Variants in SAMD8 observed in about 807,000 individuals in gnomAD.
SAMD8 encodes sphingomyelin synthase-related protein 1.
In SAMD8, 20 loss-of-function variants were observed where a neutral mutation model predicts 42.0. The ratio of observed to expected loss-of-function variants is 0.48; its 90% confidence interval spans 0.34 to 0.69. The LOEUF (loss-of-function observed/expected upper bound fraction) is 0.69, where lower values mean the gene tolerates loss of function less well. SAMD8 is among the 30% of genes least tolerant of loss of function. SAMD8 has a pLI of 0.01. For synonymous variants in SAMD8, 162 were observed against 173.0 expected, an observed-to-expected ratio of 0.94 and a Z score of 0.50; for missense variants, 328 against 511.6, an observed-to-expected ratio of 0.64 and a Z score of 3.46.
chr10:75,173,567 C>A (rs1179813112), intron 4 of SAMD8, among the ~76,000 whole-genome samples: 1 of 152,168 alleles, frequency 6.6e-6, no homozygotes, highest in East Asian at 1.9e-4. Flanking sequence ...CATTTTCCTA[C>A]CAGTCTCTTC....
intron 1 of SAMD8, among the ~76,000 whole-genome samples, chr10:75,126,777 A>G (rs1045902156): frequency 5.3e-5 from 8 of 151,894 alleles, no homozygotes; most frequent in South Asian, 4.1e-4. Flanking sequence ...CTGAGATTAC[A>G]GGCCTGAGCC....
At chr10:75,137,013 A>G (rs1235847839) in intron 1 of SAMD8, among the ~76,000 whole-genome samples, 1 of 152,204 alleles carries the variant, frequency 6.6e-6, no homozygotes, top group African/African-American at 2.4e-5. Context: ...GTGGAAAATG[A>G]TATGGTGACT....
chr10:75,101,937 T>G, intron 1 of SAMD8: 1 of 1,367,852 alleles, frequency 7.3e-7, no homozygotes, highest in Non-Finnish European at 9.8e-7. Context: ...TTCAGCCGCC[T>G]GTCTCCGCAC....
chr10:75,150,379 C>T (rs920453745), intron 1 of SAMD8, 135 bp from the exon 2 acceptor site: 2 of 1,420,146 alleles, frequency 1.4e-6, no homozygotes. Context: ...AACTCAGCCT[C>T]CCAAAGTGCT....
chr10:75,162,606 G>A (rs974719575), intron 2 of SAMD8, among the ~76,000 whole-genome samples: 6 of 134,284 alleles, frequency 4.5e-5, no homozygotes, highest in African/African-American at 1.1e-4. Flanking sequence ...CCGAGATCGC[G>A]CCATTGCACT....
intron 4 of SAMD8, among the ~76,000 whole-genome samples, chr10:75,174,191 G>A (rs1005711583): frequency 3.9e-5 from 6 of 152,002 alleles, no homozygotes; most frequent in Non-Finnish European, 5.9e-5. Context: ...GTGCAGTGGC[G>A]CGATCTCTGT....
chr10:75,179,099 T>C lies in SAMD8; in HGVS notation c.*2407T>C, dbSNP rs143609631. 0.073 allele frequency: 11,119 copies of C among 152,070 alleles called. 519 individuals carry two copies. The highest frequency in any genetic ancestry group is 0.12 in the African/African-American group (5,110 of 41,436). The allele number at this position is 152,070 out of a possible 1,614,324, so 9.4% of individuals were successfully genotyped here. ...TCTAATGCCTGTAATCGCAGCACTT[T>C]GGGAGGCTAAGGCAGGAGGATCACT... is the stretch of plus-strand genomic sequence containing the variant. On this transcript the variant is annotated 3_prime_UTR_variant, in exon 6 of 6. Coordinates refer to ENST00000542569, the MANE Select transcript of SAMD8 (RefSeq NM_001174156.2).
chr10:75,173,643 C>T (rs1001852679), intron 4 of SAMD8, among the ~76,000 whole-genome samples: 2 of 152,124 alleles, frequency 1.3e-5, no homozygotes, highest in Non-Finnish European at 2.9e-5. Flanking sequence ...GTGTTCATAG[C>T]GATCACAGAA....
intron 1 of SAMD8, among the ~76,000 whole-genome samples, chr10:75,128,971 G>C (rs1176553934): frequency 2.0e-5 from 3 of 152,006 alleles, no homozygotes; most frequent in Non-Finnish European, 4.4e-5. Context: ...TTTAACAAAA[G>C]TTGACACTTT....
intron 4 of SAMD8, among the ~76,000 whole-genome samples, chr10:75,172,328 G>T (rs1840887108): frequency 6.6e-6 from 1 of 151,930 alleles, no homozygotes; most frequent in Non-Finnish European, 1.5e-5. Flanking sequence ...AGATTTTATT[G>T]TATTTTAGTC....
intron 1 of SAMD8, among the ~76,000 whole-genome samples, chr10:75,148,346 C>CTTTTTTTTTTTTTTTTTTTTTTTTTTTTT (rs60024591): frequency 1.2e-5 from 1 of 82,560 alleles, no homozygotes; most frequent in African/African-American, 6.5e-5. Context: ...GCAATACCAG[C>CTTTTTTTTTTTTTTTTTTTTTTTTTTTTT]TTTTTTTTTT....
chr10:75,158,938 A>G (rs996750187), intron 2 of SAMD8, among the ~76,000 whole-genome samples: 3 of 151,702 alleles, frequency 2.0e-5, no homozygotes, highest in African/African-American at 7.3e-5. Flanking sequence ...GGATGTACCA[A>G]TTTTGTTTAT....
intron 1 of SAMD8, among the ~76,000 whole-genome samples, chr10:75,135,657 C>T (rs887571480): frequency 1.3e-5 from 2 of 151,874 alleles, no homozygotes; most frequent in South Asian, 2.1e-4. Flanking sequence ...AACCCTCTCT[C>T]TACTAAAAAT....
At chr10:75,102,204 C>T (rs996015503) in intron 1 of SAMD8, among the ~76,000 whole-genome samples, 2 of 152,134 alleles carry the variant, frequency 1.3e-5, no homozygotes, top group Non-Finnish European at 2.9e-5. Flanking sequence ...GGGCCGGGCG[C>T]GGTGGCTGAA....
chr10:75,175,461 G>A (rs1840969844), intron 4 of SAMD8, among the ~76,000 whole-genome samples: 1 of 152,094 alleles, frequency 6.6e-6, no homozygotes, highest in African/African-American at 2.4e-5. Context: ...GTATTATAGA[G>A]AACTTTTTAT....
chr10:75,141,870 A>G (rs113559712), intron 1 of SAMD8, among the ~76,000 whole-genome samples: 116 of 150,544 alleles, frequency 7.7e-4, no homozygotes, highest in African/African-American at 2.1e-3. Context: ...TTATCTTATT[A>G]CACTGACCAG....
intron 3 of SAMD8, among the ~76,000 whole-genome samples, chr10:75,166,464 T>C (rs1039224815): frequency 6.6e-6 from 1 of 151,216 alleles, no homozygotes; most frequent in African/African-American, 2.4e-5. Context: ...GGAACAAGGG[T>C]AGTTGCTTGA....
At chr10:75,147,482 T>C (rs1327910509) in intron 1 of SAMD8, among the ~76,000 whole-genome samples, 1 of 152,152 alleles carries the variant, frequency 6.6e-6, no homozygotes, top group Non-Finnish European at 1.5e-5. Context: ...CCCGCCACCA[T>C]GCCTGGCTAA....
At chr10:75,141,748 A>C (rs1840021441) in intron 1 of SAMD8, among the ~76,000 whole-genome samples, 1 of 151,668 alleles carries the variant, frequency 6.6e-6, no homozygotes, top group African/African-American at 2.4e-5. Context: ...TCACCGTGTT[A>C]GCCAGGATGG....
Sources: allele counts gnomAD v4.1 joint callset (sites outside exome capture counted in the v4.1 genomes callset), GRCh38; gene constraint gnomAD v4.1.1; transcripts MANE v1.5; gene names NCBI Gene and HGNC (gene_info 2026-07-23, HGNC 2026-07-21).